The following ROR1 variants were observed in gnomAD, a reference collection of about 807,000 sequenced individuals.
The protein encoded by ROR1 is inactive tyrosine-protein kinase transmembrane receptor ROR1.
In ROR1, 19 loss-of-function variants were observed where a neutral mutation model predicts 78.8. That is an observed-to-expected ratio of 0.24 (90% CI 0.17 to 0.35). The LOEUF (loss-of-function observed/expected upper bound fraction) is 0.35, where lower values mean the gene tolerates loss of function less well. ROR1 is among the 10% of genes least tolerant of loss of function. The pLI is 1.00. For missense variants in ROR1, 917 were observed against 1,177.8 expected (o/e 0.78, Z 3.24); for synonymous variants, 386 against 433.6 (o/e 0.89, Z 1.36).
Position 63,971,856 on chromosome 1 carries a change from C to T in ROR1, c.92-37449C>T, listed in dbSNP as rs548510300. Among the ~76,000 whole-genome samples the T allele has an allele frequency of 4.6e-5, 7 of 152,242 alleles. 1 individual carries two copies. In the East Asian group the frequency reaches 1.2e-3, roughly 25 times the overall value. ...CAGCAGATGATAAAGCCCTTGTCCT[C>T]GGTCTTGCTCATGCCAGCAGTTGGA... On this transcript the variant is annotated intron_variant, in intron 1 of 8. Coordinates refer to ENST00000371079, the MANE Select transcript of ROR1 (RefSeq NM_005012.4).
chr1:63,912,690 G>T (rs949474249), intron 1 of ROR1, among the ~76,000 whole-genome samples: 1 of 152,150 alleles, frequency 6.6e-6, no homozygotes, highest in Non-Finnish European at 1.5e-5. Flanking sequence ...TAAGAGGCTG[G>T]GTTGCCTTGT....
In ROR1 at chr1:64,009,389, G is replaced by A; in HGVS notation, c.163+13G>A. The stretch of plus-strand genomic sequence containing the variant: ...GAACTCAACAAAGGTACACAGTGGG[G>A]GCACACAGGGGAGGCGAGGAAAGAG... On this transcript the variant is annotated intron_variant, in intron 2 of 8. Transcript: ENST00000371079. 1 of 1,598,862 alleles carries A rather than the reference G, an allele frequency of 6.3e-7. No homozygotes were observed. The highest frequency in any genetic ancestry group is 8.6e-7 in the Non-Finnish European group (1 of 1,166,468).
At chr1:64,043,097 G>A (rs529131974) in intron 2 of ROR1, among the ~76,000 whole-genome samples, 27 of 152,208 alleles carry the variant, frequency 1.8e-4, no homozygotes, top group Non-Finnish European at 3.4e-4. Flanking sequence ...GCAATGGACT[G>A]CTCAACTCTT....
intron 4 of ROR1, among the ~76,000 whole-genome samples, chr1:64,086,674 G>T (rs1647157867): frequency 6.6e-6 from 1 of 152,158 alleles, no homozygotes; most frequent in African/African-American, 2.4e-5. Flanking sequence ...CAGGGCTGTT[G>T]TCTAATATTT....
At chr1:64,125,590 T>A (rs1413192568) in intron 4 of ROR1, among the ~76,000 whole-genome samples, 1 of 152,098 alleles carries the variant, frequency 6.6e-6, no homozygotes, top group Non-Finnish European at 1.5e-5. Context: ...TTGTGAAGCC[T>A]TTTCATTTCT....
chr1:64,108,863 G>A (rs76897418), intron 4 of ROR1, among the ~76,000 whole-genome samples: 20,483 of 152,156 alleles, frequency 0.13, 1,569 homozygotes, highest in African/African-American at 0.18. Flanking sequence ...TTACAGGGTC[G>A]TAAGCATCCC....
intron 1 of ROR1, among the ~76,000 whole-genome samples, chr1:63,913,923 TC>T (rs1339177522): frequency 9.9e-5 from 15 of 152,284 alleles, no homozygotes; most frequent in African/African-American, 3.6e-4. Flanking sequence ...TGCCAGCCTC[TC>T]CCGGGGAGCC....
intron 1 of ROR1, among the ~76,000 whole-genome samples, chr1:63,933,434 G>C (rs927485384): frequency 6.6e-6 from 1 of 152,180 alleles, no homozygotes; most frequent in Non-Finnish European, 1.5e-5. Context: ...CCCAGTAGGA[G>C]TATGAAACCC....
At chr1:63,928,005 G>T in intron 1 of ROR1, among the ~76,000 whole-genome samples, 1 of 147,982 alleles carries the variant, frequency 6.8e-6, no homozygotes, top group East Asian at 2.0e-4. Flanking sequence ...TTGGCATGCT[G>T]GCAACTGCGT....
intron 2 of ROR1, among the ~76,000 whole-genome samples, chr1:64,046,716 T>A (rs746026971): frequency 1.2e-4 from 18 of 152,308 alleles, no homozygotes; most frequent in Non-Finnish European, 2.4e-4. Context: ...CAACTCTCCA[T>A]GGGTCTCATG....
chr1:63,832,403 C>G (rs1644993835), intron 1 of ROR1, among the ~76,000 whole-genome samples: 1 of 152,148 alleles, frequency 6.6e-6, no homozygotes, highest in Non-Finnish European at 1.5e-5. Context: ...ACTCACAGTT[C>G]TGCATGGGTG....
chr1:64,012,421 C>T (rs948854963), intron 2 of ROR1, among the ~76,000 whole-genome samples: 1 of 152,160 alleles, frequency 6.6e-6, no homozygotes, highest in African/African-American at 2.4e-5. Context: ...GCACAAGCCA[C>T]AAACCAAGAT....
At chr1:63,839,018 A>G (rs1645034350) in intron 1 of ROR1, among the ~76,000 whole-genome samples, 2 of 152,206 alleles carry the variant, frequency 1.3e-5, no homozygotes, top group South Asian at 4.1e-4. Flanking sequence ...AGGCTATACC[A>G]TCTAAGTTTG....
chr1:63,957,544 C>T (rs1331474028), intron 1 of ROR1, among the ~76,000 whole-genome samples: 1 of 152,092 alleles, frequency 6.6e-6, no homozygotes, highest in Admixed American at 6.5e-5. Flanking sequence ...CCCACCTTCC[C>T]TGAGGGAGTG....
At chr1:63,849,541 TA>T (rs1179333009) in intron 1 of ROR1, among the ~76,000 whole-genome samples, 1 of 151,798 alleles carries the variant, frequency 6.6e-6, no homozygotes, top group Non-Finnish European at 1.5e-5. Flanking sequence ...CTACAAAAAA[TA>T]AAAAAAGTTG....
chr1:63,996,132 G>A (rs1266362482), intron 1 of ROR1, among the ~76,000 whole-genome samples: 1 of 152,136 alleles, frequency 6.6e-6, no homozygotes, highest in Non-Finnish European at 1.5e-5. Flanking sequence ...TGTGAGTAAC[G>A]TAGAAGAAAG....
intron 1 of ROR1, among the ~76,000 whole-genome samples, chr1:63,796,399 C>T (rs774767801): frequency 2.6e-5 from 4 of 152,188 alleles, no homozygotes; most frequent in Non-Finnish European, 4.4e-5. Context: ...GTCTCAGGCT[C>T]CTCTCCAGAA....
chr1:64,069,189 A>G (rs1646981400), intron 4 of ROR1, among the ~76,000 whole-genome samples: 2 of 152,272 alleles, frequency 1.3e-5, no homozygotes, highest in South Asian at 2.1e-4. Flanking sequence ...AAAAAAATCA[A>G]AATCACTGTG....
chr1:63,826,010 A>C (rs1286578212), intron 1 of ROR1, among the ~76,000 whole-genome samples: 1 of 152,234 alleles, frequency 6.6e-6, no homozygotes, highest in Non-Finnish European at 1.5e-5. Flanking sequence ...ATAGAGGATT[A>C]GAAATAGAAA....
Sources: gnomAD v4.1 joint callset for allele counts (sites outside exome capture counted in the v4.1 genomes callset) on GRCh38, gnomAD v4.1.1 for gene constraint, MANE v1.5 for transcripts, NCBI Gene and HGNC (gene_info 2026-07-23, HGNC 2026-07-21) for gene names.